AGMAT: variants seen among roughly 807,000 people sequenced by gnomAD.
AGMAT encodes agmatinase (putative).
A neutral mutation model predicts 29.3 loss-of-function variants in AGMAT; 37 were observed. The observed-to-expected ratio is 1.26, with a 90% CI of 0.97 to 1.66. The LOEUF (loss-of-function observed/expected upper bound fraction) is 1.66, where lower values mean the gene tolerates loss of function less well. AGMAT is among the 40% of genes most tolerant of loss of function. The probability of loss-of-function intolerance (pLI) is 0.00; values close to 1 mark genes in which losing one functional copy is unlikely to be tolerated. For missense variants in AGMAT, 498 were observed against 497.8 expected (o/e 1.00, Z 0.00); for synonymous variants, 199 against 200.8 (o/e 0.99, Z 0.08).
At chr1:15,579,479 A>C (rs1639083671) in intron 3 of AGMAT, among the ~76,000 whole-genome samples, 1 of 152,114 alleles carries the variant, frequency 6.6e-6, no homozygotes, top group Non-Finnish European at 1.5e-5. Flanking sequence ...TCTGATCCAA[A>C]TCCGTGAGGA....
intron 2 of AGMAT, 92 bp downstream of exon 2, chr1:15,583,101 A>AG: frequency 2.6e-6 from 3 of 1,164,292 alleles, no homozygotes; most frequent in Non-Finnish European, 3.7e-6. Context: ...AGTGGCTTGC[A>AG]GGGGAGAAGT....
chr1:15,582,008 C>T (rs983876161), intron 2 of AGMAT, among the ~76,000 whole-genome samples: 2 of 152,064 alleles, frequency 1.3e-5, no homozygotes, highest in Non-Finnish European at 2.9e-5. Context: ...ATGGCTCACG[C>T]CTGTAATCCC....
rs1001719027 is a variant in AGMAT at position 15,584,926 on chromosome 1, C to T, written c.42G>A (p.Gly14=). 22 of 1,369,518 alleles carry T rather than the reference C, an allele frequency of 1.6e-5. No individual in the cohort carries two copies. Among genetic ancestry groups the T allele is most frequent in the Middle Eastern group, 5.4e-4 (2 of 3,732 alleles). The allele number at this position is 1,369,518 out of a possible 1,614,324, so 84.8% of individuals were successfully genotyped here. The change falls in exon 1 of 7, where the codon GGG becomes GGA. Residue 14 remains glycine, a synonymous_variant. Transcript: ENST00000375826. ...LLASGCARGP[G]PGVGARPAAG... ...CGGCAGGACGCGCGCCCACGCCGGG[C>T]CCCGGGCCCCGGGCGCACCCGGACG...
rs553710263 is a variant in AGMAT, at chr1:15,584,534, G to A, written c.272+162C>T. ...CTGGGGTTTGCTTATTGAGGGTCCA[G>A]GTAAATCAACCATCTCAAACCATAA... On this transcript the variant is annotated intron_variant, in intron 1 of 6. Coordinates refer to ENST00000375826, the MANE Select transcript of AGMAT (RefSeq NM_024758.5). Among the ~76,000 whole-genome samples the A allele has an allele frequency of 1.1e-4, 17 of 152,184 alleles. No individual in the cohort carries two copies. The South Asian group carries it at 1.2e-3, about 11-fold the overall frequency.
Position 15,584,735 on chromosome 1 carries a change from A to G in AGMAT, c.233T>C (p.Val78Ala). The change falls in exon 1 of 7, where the codon GTG becomes GCG. Residue 78 changes from valine to alanine, a missense_variant. Transcript: ENST00000375826. The part of the protein sequence containing the change: ...PEGLDAAFIG[V>A]PLDTGTSNRP... ...GTTGGAGGTCCCAGTATCCAGGGGC[A>G]CCCCGATGAAGGCAGCGTCCAGCCC... The G allele has an allele frequency of 7.4e-7, 1 of 1,345,910 alleles. No individual in the cohort carries two copies. The highest frequency in any genetic ancestry group is 2.5e-5 in the South Asian group (1 of 40,252). 83.4% of individuals were successfully genotyped at this position (1,345,910 alleles called of 1,614,324 possible).
intron 5 of AGMAT, chr1:15,576,231 T>A (rs1176692643): frequency 2.0e-5 from 3 of 152,080 alleles, no homozygotes; most frequent in Non-Finnish European, 4.4e-5. Context: ...GCCTCCCGAG[T>A]AGCTGGGATT....
rs780613590 is a variant in AGMAT at position 15,573,619 on chromosome 1, C to T, written c.*32G>A. ...GTTCTTCTTGAGAACTTGTCAGCGA[C>T]GCAATCTGTTTTGTCTTGAAGAGCA... is the stretch of plus-strand genomic sequence containing the variant. On this transcript the variant is annotated 3_prime_UTR_variant, in exon 7 of 7. Transcript: ENST00000375826. 7.5e-6 allele frequency: 12 copies of T among 1,602,998 alleles called. No individual in the cohort carries two copies. Among genetic ancestry groups the T allele is most frequent in the South Asian group, 1.1e-5 (1 of 90,804 alleles).
Position 15,585,001 on chromosome 1 carries a change from C to A in AGMAT, c.-34G>T, listed in dbSNP as rs1249750393. On this transcript the variant is annotated 5_prime_UTR_variant, in exon 1 of 7. Transcript: ENST00000375826. ...GCGGCCAAGACCTCACCGACCAAAC[C>A]GCCCGCGAGGCCGCCGCGATCTGGC... 3 of 1,278,936 alleles carry A rather than the reference C, an allele frequency of 2.3e-6. No homozygotes were observed. Among genetic ancestry groups the A allele is most frequent in the East Asian group, 6.4e-5 (2 of 31,386 alleles). The allele number at this position is 1,278,936 out of a possible 1,614,324, so 79.2% of individuals were successfully genotyped here.
intron 5 of AGMAT, chr1:15,575,820 A>G (rs2103436333): frequency 6.6e-6 from 1 of 152,078 alleles, no homozygotes; most frequent in East Asian, 1.9e-4. Context: ...TGGTATGATC[A>G]CGGCTCACTG....
At position 15,572,121 on chromosome 1, in the gene AGMAT, G is replaced by T. The variant is rs1188536041; in HGVS notation, c.*1530C>A. 6.7e-6 allele frequency among the ~76,000 whole-genome samples: 1 copy of T among 148,886 alleles called. No individual in the cohort carries two copies. Among genetic ancestry groups the T allele is most frequent in the Non-Finnish European group, 1.5e-5 (1 of 67,366 alleles). On this transcript the variant is annotated 3_prime_UTR_variant, in exon 7 of 7. Transcript: ENST00000375826. ...GATCGGGCCACTGCACTCCAGCCTG[G>T]GGGACAGAGCGAGACTCCATCTCAG...
In AGMAT at chr1:15,580,130, G is replaced by T. The variant is rs761185855; in HGVS notation, c.488C>A (p.Thr163Lys). The change falls in exon 3 of 7, where the codon ACA (threonine) becomes AAA (lysine). Residue 163 changes from threonine (T) to lysine (K), a missense_variant. Physicochemically the swap from Thr to Lys is moderately conservative, Grantham distance 78. Transcript: ENST00000375826. Reference sequence around the variant, plus strand: ...CGCTTGCAATATGGGATATGTGATTGTGTGATCTCCACCTGCAAAGAGGAA... The same window carrying T: ...CGCTTGCAATATGGGATATGTGATTTTGTGATCTCCACCTGCAAAGAGGAA... ...CIPLTLGGDHTITYPILQAMA... is the reference protein window; with the variant it reads ...CIPLTLGGDHKITYPILQAMA... 1.9e-6 allele frequency: 3 copies of T among 1,611,404 alleles called. No individual in the cohort carries two copies. The highest frequency in any genetic ancestry group is 2.5e-6 in the Non-Finnish European group (3 of 1,178,606).
At position 15,573,547 on chromosome 1, in the gene AGMAT, A is replaced by G; in HGVS notation, c.*104T>C. ...GCCAGCAATGACACTTTCAGCAGAA[A>G]GTTTTCTTGGCATAAACTCTTTAGT... On this transcript the variant is annotated 3_prime_UTR_variant, in exon 7 of 7. Transcript: ENST00000375826. 9.5e-7 allele frequency: 1 copy of G among 1,055,224 alleles called. No homozygotes were observed. Among genetic ancestry groups the G allele is most frequent in the Non-Finnish European group, 1.4e-6 (1 of 697,062 alleles). The allele number at this position is 1,055,224 out of a possible 1,614,324, so 65.4% of individuals were successfully genotyped here.
At chr1:15,583,544 G>C in intron 1 of AGMAT, 149 bp from the exon 2 acceptor site, 1 of 769,492 alleles carries the variant, frequency 1.3e-6, no homozygotes, top group Non-Finnish European at 2.1e-6. Context: ...ATCCCGGCCT[G>C]TACTCACTAG....
At chr1:15,579,166 G>C (rs1271450799) in intron 3 of AGMAT, 112 bp from the exon 4 acceptor site, 13 of 1,033,682 alleles carry the variant, frequency 1.3e-5, no homozygotes, top group Non-Finnish European at 1.8e-5. Context: ...GGGGAGACCT[G>C]GCATCCGTTT....
At chr1:15,580,033 A>G (rs1021587346) in intron 3 of AGMAT, 61 bp downstream of exon 3, 22 of 1,502,182 alleles carry the variant, frequency 1.5e-5, no homozygotes, top group Non-Finnish European at 1.9e-5. Flanking sequence ...AACAGCAAAT[A>G]ACTCATTCCC....
chr1:15,583,422 G>C (rs749643495), intron 1 of AGMAT, 27 bp from the exon 2 acceptor site: 1 of 1,591,142 alleles, frequency 6.3e-7, no homozygotes, highest in Non-Finnish European at 8.6e-7. Context: ...CATCCTGTCA[G>C]CCATCATCTG....
chr1:15,583,172 G>T (rs1448483537), intron 2 of AGMAT, 21 bp downstream of exon 2: 18 of 1,612,130 alleles, frequency 1.1e-5, no homozygotes, highest in Non-Finnish European at 1.5e-5. Flanking sequence ...AACTACTCTG[G>T]CTCTTGCAGA....
In AGMAT at chr1:15,584,896, C is replaced by T; in HGVS notation, c.72G>A (p.Gly24=). ...GPGVGARPAA[G]LFHPGRRQSR... ...TCTGGCGGCGCCCCGGATGAAAGAGCCCTGCGGCAGGACGCGCGCCCACGC... is the reference window on the plus strand; with the variant it reads ...TCTGGCGGCGCCCCGGATGAAAGAGTCCTGCGGCAGGACGCGCGCCCACGC... Residue 24 remains glycine, a synonymous_variant, in exon 1 of 7, where the codon GGG becomes GGA. Transcript: ENST00000375826. The T allele has an allele frequency of 7.2e-7, 1 of 1,398,446 alleles. No individual in the cohort carries two copies. Among genetic ancestry groups the T allele is most frequent in the Non-Finnish European group, 9.2e-7 (1 of 1,084,098 alleles). The allele number at this position is 1,398,446 out of a possible 1,614,324, so 86.6% of individuals were successfully genotyped here. A position where few individuals can be genotyped will look rare whatever the true frequency, so the allele number is the denominator to read the frequency against.
At chr1:15,577,283 CT>C (rs1391166351) in intron 5 of AGMAT, among the ~76,000 whole-genome samples, 10 of 151,976 alleles carry the variant, frequency 6.6e-5, no homozygotes, top group Non-Finnish European at 1.5e-4. Flanking sequence ...TCTTAAAATC[CT>C]ACCTTGGCAG....
Sources: allele counts gnomAD v4.1 joint callset (sites outside exome capture counted in the v4.1 genomes callset), GRCh38; gene constraint gnomAD v4.1.1; transcripts MANE v1.5; gene names NCBI Gene and HGNC (gene_info 2026-07-23, HGNC 2026-07-21).